ASB8: variants seen among roughly 807,000 people sequenced by gnomAD.
ASB8 encodes ankyrin repeat and SOCS box protein 8.
ASB8 carries 15 observed loss-of-function variants against 22.9 expected under a neutral mutation model. That is an observed-to-expected ratio of 0.66 (90% CI 0.44 to 1.01). The LOEUF is 1.01. Ranked by LOEUF, ASB8 falls within the 50% of genes least tolerant of loss-of-function variation. ASB8 has a pLI of 0.00. For missense variants in ASB8, 294 were observed against 356.9 expected, an observed-to-expected ratio of 0.82 and a Z score of 1.42; for synonymous variants, 124 against 140.8, an observed-to-expected ratio of 0.88 and a Z score of 0.84.
intron 1 of ASB8, among the ~76,000 whole-genome samples, chr12:48,155,665 G>A (rs1467417430): frequency 8.7e-5 from 13 of 149,746 alleles, no homozygotes; most frequent in South Asian, 2.1e-4. Context: ...GGGAGGTGGC[G>A]GTTGCAGTGA....
chr12:48,153,648 T>C lies in ASB8; in HGVS notation c.-33-119A>G. The C allele has an allele frequency of 1.4e-5, 10 of 716,446 alleles. No homozygotes were observed. The South Asian group carries it at 1.7e-4, about 12-fold the overall frequency. 44.4% of individuals were successfully genotyped at this position (716,446 alleles called of 1,614,324 possible). A position where few individuals can be genotyped will look rare whatever the true frequency, so the allele number is the denominator to read the frequency against. On this transcript the variant is annotated intron_variant, in intron 1 of 3. Transcript: ENST00000317697. ...AGATTTCAAGGAGTGATTAATACTA[T>C]TTCCATAATCATAAGGAATTGGATT...
rs571688186 is a variant in ASB8 at position 48,153,007 on chromosome 12, CAAATAA to C, written c.129+355_129+360del. On this transcript the variant is annotated intron_variant, in intron 2 of 3. Transcript: ENST00000317697. ...TGACAAAAGTGAAGCCCTGTCTCAA[CAAATAA>C]AAATAAAAACCACCTCTGCTTTGCT... The C allele has an allele frequency of 1.3e-4, 25 of 190,888 alleles. 1 individual carries two copies. In the South Asian group the frequency reaches 1.6e-3, roughly 12 times the overall value. 11.8% of individuals were successfully genotyped at this position (190,888 alleles called of 1,614,324 possible).
rs1951140970 is a variant in ASB8, at chr12:48,148,665, T to TTTG, written c.*700_*701insCAA. On this transcript the variant is annotated 3_prime_UTR_variant, in exon 4 of 4. Coordinates refer to ENST00000317697, the MANE Select transcript of ASB8 (RefSeq NM_024095.5). ...CACAGATCAATTAAAATGGTTTTTTTTTTTTTTTTTTTTTTTTGAGACAGT... is the reference window on the plus strand; with the variant it reads ...CACAGATCAATTAAAATGGTTTTTTTTTGTTTTTTTTTTTTTTTTTGAGACAGT... 1 of 145,554 alleles carries TTTG rather than the reference T, an allele frequency of 6.9e-6. No homozygotes were observed. The highest frequency in any genetic ancestry group is 2.5e-5 in the African/African-American group (1 of 39,394). 9.0% of individuals were successfully genotyped at this position (145,554 alleles called of 1,614,324 possible). A position where few individuals can be genotyped will look rare whatever the true frequency, so the allele number is the denominator to read the frequency against.
chr12:48,152,482 CCTT>C (rs1162028383), intron 2 of ASB8, among the ~76,000 whole-genome samples: 1 of 152,126 alleles, frequency 6.6e-6, no homozygotes, highest in East Asian at 1.9e-4. Context: ...ATAGTAAAGA[CCTT>C]CTAGGATACT....
rs57722274 is a variant in ASB8, at chr12:48,156,289, C to G, written c.-34+1170G>C. On this transcript the variant is annotated intron_variant, in intron 1 of 3. Coordinates refer to ENST00000317697, the MANE Select transcript of ASB8 (RefSeq NM_024095.5). The stretch of plus-strand genomic sequence containing the variant: ...AGCTGACACACTTGTTTATATGTCT[C>G]TATGACATTTTCTAGATAGTTTAGA... Among the ~76,000 whole-genome samples the G allele has an allele frequency of 7.7e-3, 1,169 of 152,190 alleles. 81 individuals are homozygous for G. The East Asian group carries it at 0.18, about 23-fold the overall frequency.
intron 1 of ASB8, among the ~76,000 whole-genome samples, chr12:48,155,591 G>A (rs111494064): frequency 0.019 from 2,844 of 151,196 alleles, 71 homozygotes; most frequent in African/African-American, 0.047. Context: ...AGGCATGGTG[G>A]CATGCACCAC....
At chr12:48,153,223 AT>A (rs1951230474) in intron 2 of ASB8, 144 bp downstream of exon 2, 1 of 959,648 alleles carries the variant, frequency 1.0e-6, no homozygotes, top group Non-Finnish European at 1.6e-6. Context: ...GGGGAAATAC[AT>A]TTTAATGATC....
intron 2 of ASB8, among the ~76,000 whole-genome samples, chr12:48,152,223 G>A (rs1205165900): frequency 6.6e-6 from 1 of 151,938 alleles, no homozygotes; most frequent in East Asian, 1.9e-4. Context: ...CAGCAGCAGA[G>A]CTAGAATTAG....
intron 1 of ASB8, among the ~76,000 whole-genome samples, chr12:48,155,779 TA>T (rs1449074955): frequency 1.5e-5 from 2 of 132,116 alleles, no homozygotes; most frequent in East Asian, 2.1e-4. Flanking sequence ...TCTTTTGCTT[TA>T]TTTTTTTTTT....
Position 48,149,322 on chromosome 12 carries a change from C to T in ASB8, c.*44G>A, listed in dbSNP as rs1951154766. On this transcript the variant is annotated 3_prime_UTR_variant, in exon 4 of 4. Transcript: ENST00000317697. ...TGACAAGGAGTACTGCAGGGACAAC[C>T]TCACCCAGAGCTGCCTGCACGATGG... is the stretch of plus-strand genomic sequence containing the variant. 1 of 1,570,890 alleles carries T rather than the reference C, an allele frequency of 6.4e-7. No individual in the cohort carries two copies. The highest frequency in any genetic ancestry group is 1.4e-5 in the African/African-American group (1 of 73,902).
intron 2 of ASB8, among the ~76,000 whole-genome samples, chr12:48,152,427 A>G (rs1951218848): frequency 6.6e-6 from 1 of 152,226 alleles, no homozygotes; most frequent in South Asian, 2.1e-4. Context: ...CTGGTGATCA[A>G]AAACTGTGTA....
chr12:48,156,481 C>A (rs778175278), intron 1 of ASB8, among the ~76,000 whole-genome samples: 1 of 152,056 alleles, frequency 6.6e-6, no homozygotes, highest in Non-Finnish European at 1.5e-5. Context: ...AGGCTTGGAC[C>A]AAAGTGGTTC....
rs1951169010 is a variant in ASB8, at chr12:48,149,855, G to A, written c.378C>T (p.Ala126=). The A allele has an allele frequency of 5.6e-6, 9 of 1,614,080 alleles. No homozygotes were observed. Among genetic ancestry groups the A allele is most frequent in the Non-Finnish European group, 7.6e-6 (9 of 1,180,032 alleles). The change falls in exon 4 of 4, where the codon GCC becomes GCT. Residue 126 remains alanine, a synonymous_variant. Coordinates refer to ENST00000317697, the MANE Select transcript of ASB8 (RefSeq NM_024095.5). ...GCACACACTCAGCATTGTTCTTAAA[G>A]GCTGCCCAGTGAAGTGGGGTATCTC... The part of the protein sequence containing the change: ...GNRDTPLHWA[A]FKNNAECVRA...
chr12:48,150,086 C>T lies in ASB8; in HGVS notation c.235-88G>A, dbSNP rs148610170. 6.9e-5 allele frequency: 99 copies of T among 1,427,186 alleles called. No homozygotes were observed. The African/African-American group carries it at 1.3e-3, about 19-fold the overall frequency. The allele number at this position is 1,427,186 out of a possible 1,614,324, so 88.4% of individuals were successfully genotyped here. On this transcript the variant is annotated intron_variant, in intron 3 of 3. Transcript: ENST00000317697. ...AAGAAGCTTGCATGGTTACCCACTA[C>T]CTTTGCTATGCAGTGCTCTGAACAG... is the stretch of plus-strand genomic sequence containing the variant.
At chr12:48,156,224 T>C (rs1393241345) in intron 1 of ASB8, among the ~76,000 whole-genome samples, 1 of 152,186 alleles carries the variant, frequency 6.6e-6, no homozygotes, top group African/African-American at 2.4e-5. Flanking sequence ...GTATCGATAA[T>C]TCAAATTAGG....
rs1395517889 is a variant in ASB8, at chr12:48,149,561, G to A, written c.672C>T (p.Gly224=). ...AVGHFELRKN[G]TMPREVARDP... is the part of the protein sequence containing the mutation. ...CTCTGGCCACCTCTCGTGGCATGGT[G>A]CCATTTTTCCTCAATTCAAAGTGTC... is the stretch of plus-strand genomic sequence containing the variant. Residue 224 remains glycine, a synonymous_variant, in exon 4 of 4, where the codon GGC becomes GGT. Coordinates refer to ENST00000317697, the MANE Select transcript of ASB8 (RefSeq NM_024095.5). The A allele has an allele frequency of 3.7e-6, 6 of 1,614,130 alleles. No individual in the cohort carries two copies. The highest frequency in any genetic ancestry group is 1.7e-6 in the Non-Finnish European group (2 of 1,179,988).
In ASB8 at chr12:48,149,118, C is replaced by T; in HGVS notation, c.*248G>A. 1.9e-6 allele frequency: 1 copy of T among 533,936 alleles called. No homozygotes were observed. The allele number at this position is 533,936 out of a possible 1,614,324, so 33.1% of individuals were successfully genotyped here. ...AGGGGAGGATTGAGGGAGACCTCTT[C>T]TTTTGCAAAATGCAATATAAAAAGC... On this transcript the variant is annotated 3_prime_UTR_variant, in exon 4 of 4. Transcript: ENST00000317697.
intron 2 of ASB8, among the ~76,000 whole-genome samples, chr12:48,151,939 G>A (rs960495146): frequency 6.6e-6 from 1 of 152,100 alleles, no homozygotes; most frequent in African/African-American, 2.4e-5. Context: ...ATCACCTGAG[G>A]TCAGAAGTTT....
In ASB8 at chr12:48,148,043, T is replaced by A. The variant is rs1350666580; in HGVS notation, c.*1323A>T. 1 of 152,210 alleles carries A rather than the reference T, an allele frequency of 6.6e-6. No individual in the cohort carries two copies. The highest frequency in any genetic ancestry group is 1.9e-4 in the East Asian group (1 of 5,198). The allele number at this position is 152,210 out of a possible 1,614,324, so 9.4% of individuals were successfully genotyped here. A position where few individuals can be genotyped will look rare whatever the true frequency, so the allele number is the denominator to read the frequency against. Reference sequence around the variant, plus strand: ...CTAAAGCAGATCTCTTTTGGGTAGATGGACCATCACAAAAGGAGCTCTTAC... The same window carrying A: ...CTAAAGCAGATCTCTTTTGGGTAGAAGGACCATCACAAAAGGAGCTCTTAC... On this transcript the variant is annotated 3_prime_UTR_variant, in exon 4 of 4. Transcript: ENST00000317697.
Sources: gnomAD v4.1 joint callset for allele counts (sites outside exome capture counted in the v4.1 genomes callset) on GRCh38, gnomAD v4.1.1 for gene constraint, MANE v1.5 for transcripts, NCBI Gene and HGNC (gene_info 2026-07-23, HGNC 2026-07-21) for gene names.